The following UGGT1 variants were observed in gnomAD, a reference collection of about 807,000 sequenced individuals.
The protein encoded by UGGT1 is UDP-glucose:glycoprotein glucosyltransferase 1.
Under a neutral mutation model 203.9 loss-of-function variants are expected in UGGT1, and 107 were observed. The observed-to-expected ratio is 0.52, with a 90% confidence interval of 0.45 to 0.62. UGGT1 has a LOEUF of 0.62. Ranked by LOEUF, UGGT1 falls within the 20% of genes least tolerant of loss-of-function variation. The pLI is 0.00. For missense variants in UGGT1, 1,673 were observed against 1,867.2 expected (o/e 0.90, Z 1.92); for synonymous variants, 628 against 653.5 (o/e 0.96, Z 0.59).
intron 1 of UGGT1, 91 bp downstream of exon 1, chr2:128,091,506 C>A (rs1178832192): frequency 1.0e-5 from 15 of 1,501,892 alleles, no homozygotes; most frequent in Middle Eastern, 1.7e-4. Context: ...TGAGCTTCCG[C>A]CTCTACCGTG....
chr2:128,097,660 C>A, intron 2 of UGGT1, 96 bp downstream of exon 2: 1 of 1,446,498 alleles, frequency 6.9e-7, no homozygotes, highest in Non-Finnish European at 9.4e-7. Flanking sequence ...AGATTATCAT[C>A]AAATGCATTT....
chr2:128,091,236 C>A lies in UGGT1; in HGVS notation c.-122C>A. On this transcript the variant is annotated 5_prime_UTR_variant, in exon 1 of 41. Transcript: ENST00000259253. ...TGCTTTGCGAGGCTGGGTGTTGAGT[C>A]GAGCCGCGGGAAAGGCGCGTGTCGG... 1.8e-6 allele frequency: 2 copies of A among 1,135,284 alleles called. No homozygotes were observed. Among genetic ancestry groups the A allele is most frequent in the South Asian group, 1.6e-5 (1 of 62,010 alleles). 70.3% of individuals were successfully genotyped at this position (1,135,284 alleles called of 1,614,324 possible). A position where few individuals can be genotyped will look rare whatever the true frequency, so the allele number is the denominator to read the frequency against.
intron 13 of UGGT1, among the ~76,000 whole-genome samples, chr2:128,129,554 A>C (rs1256532425): frequency 2.0e-5 from 3 of 152,004 alleles, no homozygotes; most frequent in Admixed American, 1.3e-4. Context: ...GCCTGCCACC[A>C]CGCCTGACTA....
intron 11 of UGGT1, among the ~76,000 whole-genome samples, chr2:128,126,249 AT>A (rs1328453766): frequency 5.3e-5 from 7 of 132,688 alleles, no homozygotes; most frequent in Admixed American, 1.5e-4. Context: ...ACCAAAATGT[AT>A]TTTTTTTTTG....
chr2:128,140,927 A>G lies in UGGT1; in HGVS notation c.1719+2075A>G, dbSNP rs1341042187. 1.7e-4 allele frequency among the ~76,000 whole-genome samples: 26 copies of G among 152,078 alleles called. 1 individual carries two copies. Among genetic ancestry groups the G allele is most frequent in the Non-Finnish European group, 1.8e-4 (12 of 68,012 alleles). ...GGTCTCGAACTACTGAGCTTAAACA[A>G]TCTTACTGCCTTGGCCTCCCAAAGT... On this transcript the variant is annotated intron_variant, in intron 16 of 40. Transcript: ENST00000259253.
chr2:128,120,347 T>C lies in UGGT1; in HGVS notation c.873-9T>C. On this transcript the variant is annotated splice_polypyrimidine_tract_variant and intron_variant, in intron 8 of 40. Coordinates refer to ENST00000259253, the MANE Select transcript of UGGT1 (RefSeq NM_020120.4). The stretch of plus-strand genomic sequence containing the variant: ...TAATGAAAAGGACTGATTTTTATGT[T>C]TCTTTTAGAGATCTGCACCCCGACC... 6.2e-7 allele frequency: 1 copy of C among 1,607,892 alleles called. No individual in the cohort carries two copies.
At chr2:128,184,540 C>G (rs1691875503) in intron 38 of UGGT1, among the ~76,000 whole-genome samples, 2 of 152,186 alleles carry the variant, frequency 1.3e-5, no homozygotes, top group African/African-American at 4.8e-5. Context: ...ACAAAAGTGT[C>G]TAGCATCACG....
chr2:128,137,370 T>C lies in UGGT1; in HGVS notation c.1584-1347T>C, dbSNP rs55828929. ...AGGTTTGAGGCTGCAATGAGCTGATTGTGCCACTGCACTCTGGCCTCGGCA... is the reference window on the plus strand; with the variant it reads ...AGGTTTGAGGCTGCAATGAGCTGATCGTGCCACTGCACTCTGGCCTCGGCA... On this transcript the variant is annotated intron_variant, in intron 15 of 40. Coordinates refer to ENST00000259253, the MANE Select transcript of UGGT1 (RefSeq NM_020120.4). Among the ~76,000 whole-genome samples the C allele has an allele frequency of 9.5e-3, 1,445 of 152,318 alleles. 23 individuals carry two copies. The highest frequency in any genetic ancestry group is 0.032 in the African/African-American group (1,320 of 41,568).
chr2:128,188,588 A>G (rs1309862514), intron 40 of UGGT1, among the ~76,000 whole-genome samples: 1 of 152,244 alleles, frequency 6.6e-6, no homozygotes, highest in Non-Finnish European at 1.5e-5. Context: ...TGTGGAGTCC[A>G]TAGTGATGTT....
At chr2:128,128,188 C>T (rs530173832) in intron 12 of UGGT1, among the ~76,000 whole-genome samples, 3 of 152,212 alleles carry the variant, frequency 2.0e-5, no homozygotes, top group South Asian at 4.1e-4. Flanking sequence ...AAATTGCATT[C>T]GATTGTCTTC....
At chr2:128,145,093 T>TA (rs1183758757) in intron 17 of UGGT1, among the ~76,000 whole-genome samples, 1 of 152,212 alleles carries the variant, frequency 6.6e-6, no homozygotes, top group Non-Finnish European at 1.5e-5. Flanking sequence ...TATTGTGTCT[T>TA]AGAGCAATTG....
rs752208940 is a variant in UGGT1 at position 128,109,671 on chromosome 2, C to G, written c.446C>G (p.Ser149Trp). 2.5e-6 allele frequency: 4 copies of G among 1,614,038 alleles called. No individual in the cohort carries two copies. Among genetic ancestry groups the G allele is most frequent in the Non-Finnish European group, 3.4e-6 (4 of 1,180,000 alleles). The part of the protein sequence containing the change: ...ADEPPPEGCN[S>W]FFSVHGKKTC... ...GAACCTCCACCAGAAGGATGTAATTCGTTTTTTTCAGTGCATGGAAAGAAG... is the reference window on the plus strand; with the variant it reads ...GAACCTCCACCAGAAGGATGTAATTGGTTTTTTTCAGTGCATGGAAAGAAG... Residue 149 changes from serine (S) to tryptophan (W), a missense_variant, in exon 5 of 41, where the codon TCG becomes TGG. Around this residue, in one of 4 missense-constraint regions of UGGT1, gnomAD observed 1,073 missense variants for 1,078.7 expected, o/e 0.99. Coordinates refer to ENST00000259253, the MANE Select transcript of UGGT1 (RefSeq NM_020120.4).
At chr2:128,114,238 C>T (rs1041894675) in intron 6 of UGGT1, among the ~76,000 whole-genome samples, 20 of 152,250 alleles carry the variant, frequency 1.3e-4, no homozygotes, top group African/African-American at 3.1e-4. Context: ...CTGCCTCAGC[C>T]TCCCGAGTAG....
At chr2:128,153,288 T>C (rs1690067297) in intron 19 of UGGT1, among the ~76,000 whole-genome samples, 1 of 152,212 alleles carries the variant, frequency 6.6e-6, no homozygotes, top group Non-Finnish European at 1.5e-5. Flanking sequence ...TCAACAAATA[T>C]CTCAGTGAAT....
intron 14 of UGGT1, among the ~76,000 whole-genome samples, chr2:128,134,063 G>A (rs1689013946): frequency 6.6e-6 from 1 of 152,080 alleles, no homozygotes; most frequent in South Asian, 2.1e-4. Context: ...CGCAGAAAGA[G>A]TCTTGCTCTG....
chr2:128,101,211 CCTT>C (rs879934333), intron 2 of UGGT1, among the ~76,000 whole-genome samples: 2 of 152,216 alleles, frequency 1.3e-5, no homozygotes, highest in Admixed American at 6.5e-5. Context: ...CACCATTCTT[CCTT>C]CTTATGTCTG....
chr2:128,129,258 G>T, intron 13 of UGGT1, 79 bp downstream of exon 13: 2 of 1,471,156 alleles, frequency 1.4e-6, no homozygotes, highest in African/African-American at 1.4e-5. Flanking sequence ...CTCTTATGAG[G>T]GTGAAGTTAC....
intron 2 of UGGT1, among the ~76,000 whole-genome samples, chr2:128,098,081 C>G (rs1001573754): frequency 6.6e-6 from 1 of 152,058 alleles, no homozygotes; most frequent in African/African-American, 2.4e-5. Flanking sequence ...AGGCTGGTCT[C>G]AAACTCCTTA....
At chr2:128,101,440 T>TAA (rs1558749373) in intron 2 of UGGT1, among the ~76,000 whole-genome samples, 1 of 152,230 alleles carries the variant, frequency 6.6e-6, no homozygotes, top group African/African-American at 2.4e-5. Context: ...TATGAAGTGA[T>TAA]ATTTATCTTT....
Sources: gnomAD v4.1 joint callset for allele counts (sites outside exome capture counted in the v4.1 genomes callset) on GRCh38, gnomAD v4.1.1 for gene constraint, gnomAD v4.1.1 regional missense constraint, MANE v1.5 for transcripts, NCBI Gene and HGNC (gene_info 2026-07-23, HGNC 2026-07-21) for gene names.